Variants in CLDN11 observed in about 807,000 individuals in gnomAD.
CLDN11 encodes claudin 11, also known as claudin-11.
In CLDN11, 1 loss-of-function variant was observed where a neutral mutation model predicts 18.0. That is an observed-to-expected ratio of 0.06 (90% CI 0.02 to 0.26). CLDN11 has a LOEUF of 0.26. Ranked by LOEUF, CLDN11 falls within the 10% of genes least tolerant of loss-of-function variation. CLDN11 has a pLI of 1.00. For synonymous variants in CLDN11, 116 were observed against 121.5 expected (o/e 0.96, Z 0.30); for missense variants, 172 against 276.6 (o/e 0.62, Z 2.68).
Position 170,434,305 on chromosome 3 carries a change from C to T in CLDN11, c.*1549C>T, listed in dbSNP as rs1216868687. 1.3e-5 allele frequency among the ~76,000 whole-genome samples: 2 copies of T among 152,182 alleles called. No individual in the cohort carries two copies. The highest frequency in any genetic ancestry group is 2.9e-5 in the Non-Finnish European group (2 of 68,018). ...CATGAAAGCATAACCTCAGTGCTCTCTAGGTTTCTTAAGTGGGGTGACTTT... is the reference window on the plus strand; with the variant it reads ...CATGAAAGCATAACCTCAGTGCTCTTTAGGTTTCTTAAGTGGGGTGACTTT... On this transcript the variant is annotated 3_prime_UTR_variant, in exon 3 of 3. Coordinates refer to ENST00000064724, the MANE Select transcript of CLDN11 (RefSeq NM_005602.6).
In CLDN11 at chr3:170,418,952, G is replaced by A. The variant is rs994709136; in HGVS notation, c.-115G>A. On this transcript the variant is annotated 5_prime_UTR_variant, in exon 1 of 3. Coordinates refer to ENST00000064724, the MANE Select transcript of CLDN11 (RefSeq NM_005602.6). The surrounding 1 kb of genome is among the most constrained non-coding windows in gnomAD (Gnocchi z 4.3). ...CTCCACCTCCAGTGTCCCGCCTCGG[G>A]CCGTCGCCCTCCAGCGGCTCGCGAG... 7.7e-6 allele frequency: 6 copies of A among 779,294 alleles called. No homozygotes were observed. In the South Asian group the frequency reaches 1.0e-4, roughly 14 times the overall value. 48.3% of individuals were successfully genotyped at this position (779,294 alleles called of 1,614,324 possible).
At chr3:170,424,885 G>A (rs893787029) in intron 2 of CLDN11, among the ~76,000 whole-genome samples, 14 of 152,068 alleles carry the variant, frequency 9.2e-5, no homozygotes, top group East Asian at 1.9e-4. Flanking sequence ...GCAAAGGGAC[G>A]GAGGTTTGCA....
At chr3:170,421,968 C>T (rs2108243736) in intron 1 of CLDN11, among the ~76,000 whole-genome samples, 1 of 152,300 alleles carries the variant, frequency 6.6e-6, no homozygotes, top group South Asian at 2.1e-4. Context: ...ACTGTGTTAA[C>T]TCCGTGAATA....
At position 170,432,544 on chromosome 3, in the gene CLDN11, A is replaced by G; in HGVS notation, c.412A>G (p.Thr138Ala). The change falls in exon 3 of 3, where the codon ACC becomes GCC. Residue 138 changes from threonine to alanine, a missense_variant. Physicochemically the swap from Thr to Ala is moderately conservative, Grantham distance 58. This residue lies in a region of CLDN11 where 161 missense variants were observed against 240.3 expected (regional missense o/e 0.67). Transcript: ENST00000064724. ...TCCAGCTCTCTGCGCCCTTGTTGCCACCATCTGGTTCCCTGTGTGCGCCCA... is the reference window on the plus strand; with the variant it reads ...TCCAGCTCTCTGCGCCCTTGTTGCCGCCATCTGGTTCCCTGTGTGCGCCCA... ...ILLALCALVA[T>A]IWFPVCAHRE... 1 of 1,613,152 alleles carries G rather than the reference A, an allele frequency of 6.2e-7. No individual in the cohort carries two copies. Among genetic ancestry groups the G allele is most frequent in the Non-Finnish European group, 8.5e-7 (1 of 1,180,002 alleles).
In CLDN11 at chr3:170,432,728, C is replaced by T. The variant is rs761488040; in HGVS notation, c.596C>T (p.Pro199Leu). 40 of 1,614,074 alleles carry T rather than the reference C, an allele frequency of 2.5e-5. No homozygotes were observed. Among genetic ancestry groups the T allele is most frequent in the African/African-American group, 2.7e-5 (2 of 74,918 alleles). The change falls in exon 3 of 3, where the codon CCG (proline) becomes CTG (leucine). Residue 199 changes from proline to leucine, a missense_variant. Around this residue, in one of 3 missense-constraint regions of CLDN11, gnomAD observed 161 missense variants for 240.3 expected, o/e 0.67. Transcript: ENST00000064724. ...TACTACACTGCGGGCTCTAGCTCCCCGACTCATGCGAAGAGTGCCCACGTA... is the reference window on the plus strand; with the variant it reads ...TACTACACTGCGGGCTCTAGCTCCCTGACTCATGCGAAGAGTGCCCACGTA... ...RFYYTAGSSS[P>L]THAKSAHV
intron 2 of CLDN11, among the ~76,000 whole-genome samples, chr3:170,429,974 G>A (rs1435061551): frequency 6.6e-6 from 1 of 152,240 alleles, no homozygotes; most frequent in East Asian, 1.9e-4. Context: ...CATATCAGTT[G>A]TTTGGGAATT....
At chr3:170,428,610 C>T (rs1342165239) in intron 2 of CLDN11, among the ~76,000 whole-genome samples, 1 of 152,198 alleles carries the variant, frequency 6.6e-6, no homozygotes, top group Non-Finnish European at 1.5e-5. Context: ...CCCTTTCTCT[C>T]CCTTCTCTTC....
chr3:170,423,431 C>A (rs979102595), intron 2 of CLDN11, 104 bp downstream of exon 2: 5 of 1,288,978 alleles, frequency 3.9e-6, no homozygotes, highest in Non-Finnish European at 5.5e-6. Flanking sequence ...TGAAAGGAAG[C>A]CAAGTGAAGC....
intron 2 of CLDN11, among the ~76,000 whole-genome samples, chr3:170,429,557 G>A (rs189468439): frequency 7.2e-5 from 11 of 152,246 alleles, no homozygotes; most frequent in African/African-American, 2.6e-4. Context: ...CATTCCTATG[G>A]AGGTTCATTG....
Position 170,419,165 on chromosome 3 carries a change from C to T in CLDN11, c.99C>T (p.Thr33=). ...VTTSTNDWVV[T]CGYTIPTCRK... The stretch of plus-strand genomic sequence containing the variant: ...CCTCCACCAATGACTGGGTGGTGAC[C>T]TGCGGCTACACCATCCCCACCTGCC... Residue 33 remains threonine (T), a synonymous_variant, in exon 1 of 3, where the codon ACC becomes ACT. Transcript: ENST00000064724. This position sits in a 1 kb window ranked among gnomAD's most constrained non-coding sequence, Gnocchi z 8.6. The T allele has an allele frequency of 7.1e-6, 11 of 1,553,476 alleles. No homozygotes were observed. The highest frequency in any genetic ancestry group is 1.2e-5 in the South Asian group (1 of 84,164).
At position 170,419,794 on chromosome 3, in the gene CLDN11, G is replaced by A. The variant is rs957413462; in HGVS notation, c.226+502G>A. 2.0e-5 allele frequency among the ~76,000 whole-genome samples: 3 copies of A among 152,262 alleles called. No individual in the cohort carries two copies. The highest frequency in any genetic ancestry group is 2.1e-4 in the South Asian group (1 of 4,834). Reference sequence around the variant, plus strand: ...CTCATGGGATGGGCGAAGCGCCCCCGGCCAGGTTAGAGCCCTCCTAGCTCC... The same window carrying A: ...CTCATGGGATGGGCGAAGCGCCCCCAGCCAGGTTAGAGCCCTCCTAGCTCC... On this transcript the variant is annotated intron_variant, in intron 1 of 2. Coordinates refer to ENST00000064724, the MANE Select transcript of CLDN11 (RefSeq NM_005602.6). This position sits in a 1 kb window ranked among gnomAD's most constrained non-coding sequence, Gnocchi z 8.6.
intron 2 of CLDN11, 185 bp downstream of exon 2, chr3:170,423,512 A>C: frequency 1.6e-6 from 1 of 607,210 alleles, no homozygotes; most frequent in Non-Finnish European, 2.9e-6. Flanking sequence ...AGGGCTAAGT[A>C]ATGTCTCTGG....
intron 2 of CLDN11, among the ~76,000 whole-genome samples, chr3:170,424,557 G>A (rs188479881): frequency 6.6e-6 from 1 of 152,266 alleles, no homozygotes; most frequent in Admixed American, 6.5e-5. Flanking sequence ...TCCCTCAGAT[G>A]CTAGTTTCAT....
rs1411219623 is a variant in CLDN11, at chr3:170,433,419, G to A, written c.*663G>A. On this transcript the variant is annotated 3_prime_UTR_variant, in exon 3 of 3. Transcript: ENST00000064724. ...GCCTCCCAAAGTGTTGGGATTATAG[G>A]AGTGAGCCACCACACCGGCCAAGAT... The A allele has an allele frequency of 2.6e-5, 4 of 152,266 alleles. No homozygotes were observed. The East Asian group carries it at 7.7e-4, about 29-fold the overall frequency. The allele number at this position is 152,266 out of a possible 1,614,324, so 9.4% of individuals were successfully genotyped here.
intron 2 of CLDN11, among the ~76,000 whole-genome samples, chr3:170,428,095 C>T (rs184257696): frequency 7.0e-6 from 1 of 141,946 alleles, no homozygotes; most frequent in Admixed American, 7.3e-5. Flanking sequence ...TGCAGTGAGT[C>T]GAGATTGCAC....
At chr3:170,426,137 G>A (rs986968393) in intron 2 of CLDN11, among the ~76,000 whole-genome samples, 18 of 152,168 alleles carry the variant, frequency 1.2e-4, no homozygotes, top group African/African-American at 3.6e-4. Flanking sequence ...GGGTTTCGGG[G>A]GCCTGGGAAC....
At position 170,419,172 on chromosome 3, in the gene CLDN11, T is replaced by C. The variant is rs1240897355; in HGVS notation, c.106T>C (p.Tyr36His). 26 of 1,554,542 alleles carry C rather than the reference T, an allele frequency of 1.7e-5. 1 individual carries two copies. Among genetic ancestry groups the C allele is most frequent in the South Asian group, 7.1e-5 (6 of 84,224 alleles). Residue 36 changes from tyrosine (Y) to histidine (H), a missense_variant, in exon 1 of 3, where the codon TAC (tyrosine) becomes CAC (histidine). Coordinates refer to ENST00000064724, the MANE Select transcript of CLDN11 (RefSeq NM_005602.6). This position sits in a 1 kb window ranked among gnomAD's most constrained non-coding sequence, Gnocchi z 8.6. ...CAATGACTGGGTGGTGACCTGCGGCTACACCATCCCCACCTGCCGCAAGCT... is the reference window on the plus strand; with the variant it reads ...CAATGACTGGGTGGTGACCTGCGGCCACACCATCCCCACCTGCCGCAAGCT... The part of the protein sequence containing the change: ...STNDWVVTCG[Y>H]TIPTCRKLDE...
intron 2 of CLDN11, among the ~76,000 whole-genome samples, chr3:170,426,887 T>C (rs897321252): frequency 1.3e-5 from 2 of 152,136 alleles, no homozygotes; most frequent in African/African-American, 4.8e-5. Context: ...GTTCAAGCGA[T>C]TCTCCTGCCT....
At chr3:170,432,207 T>C (rs775843201) in intron 2 of CLDN11, among the ~76,000 whole-genome samples, 8 of 152,258 alleles carry the variant, frequency 5.3e-5, no homozygotes, top group Non-Finnish European at 1.0e-4. Flanking sequence ...GAATTATAAC[T>C]GTAGATATGA....
Sources: allele counts gnomAD v4.1 joint callset (sites outside exome capture counted in the v4.1 genomes callset), GRCh38; gene constraint gnomAD v4.1.1; regional missense constraint gnomAD v4.1.1; non-coding constraint Gnocchi (gnomAD v3.1); transcripts MANE v1.5; gene names NCBI Gene and HGNC (gene_info 2026-07-23, HGNC 2026-07-21).